Variants in MYO1D observed in about 807,000 individuals in gnomAD.
MYO1D encodes the protein myosin ID.
A neutral mutation model predicts 122.0 loss-of-function variants in MYO1D; 83 were observed. That is an observed-to-expected ratio of 0.68 (90% confidence interval 0.57 to 0.82). The LOEUF (loss-of-function observed/expected upper bound fraction) is 0.82, where lower values mean the gene tolerates loss of function less well. Ranked by LOEUF, MYO1D falls within the 40% of genes least tolerant of loss-of-function variation. MYO1D has a pLI of 0.00. For synonymous variants in MYO1D, 464 were observed against 446.9 expected (o/e 1.04, Z -0.48); for missense variants, 1,157 against 1,269.5 (o/e 0.91, Z 1.35).
intron 1 of MYO1D, among the ~76,000 whole-genome samples, chr17:32,861,091 C>T (rs1281309763): frequency 7.5e-6 from 1 of 132,514 alleles, no homozygotes; most frequent in Non-Finnish European, 1.6e-5. Flanking sequence ...TTTTTGGAAA[C>T]GGAGTCTCGC....
intron 1 of MYO1D, among the ~76,000 whole-genome samples, chr17:32,851,539 T>C (rs1044977537): frequency 2.0e-5 from 3 of 152,202 alleles, no homozygotes; most frequent in African/African-American, 7.2e-5. Flanking sequence ...CTCCCTACCA[T>C]TCTACCAAGG....
At chr17:32,806,727 T>C (rs1426831632) in intron 1 of MYO1D, among the ~76,000 whole-genome samples, 1 of 152,158 alleles carries the variant, frequency 6.6e-6, no homozygotes, top group South Asian at 2.1e-4. Flanking sequence ...ATCTTCCGAG[T>C]AAGGATTATG....
At chr17:32,825,457 A>G (rs761637531) in intron 1 of MYO1D, among the ~76,000 whole-genome samples, 22 of 151,936 alleles carry the variant, frequency 1.4e-4, no homozygotes, top group Non-Finnish European at 2.6e-4. Context: ...ACGCCTGGCT[A>G]ATTTTTGTAT....
intron 1 of MYO1D, among the ~76,000 whole-genome samples, chr17:32,847,305 T>C (rs1201431839): frequency 2.0e-5 from 3 of 152,190 alleles, no homozygotes; most frequent in African/African-American, 7.2e-5. Flanking sequence ...ACGAGTGATT[T>C]TGGAATCACA....
chr17:32,746,852 T>C (rs2089843197), intron 12 of MYO1D, among the ~76,000 whole-genome samples: 1 of 152,230 alleles, frequency 6.6e-6, no homozygotes, highest in Non-Finnish European at 1.5e-5. Context: ...GTAAATTTGC[T>C]ATGTGGCATT....
chr17:32,818,125 C>CAAAAAAAAAAAAAAAAAAAAAAAAAAAAA (rs58466009), intron 1 of MYO1D, among the ~76,000 whole-genome samples: 3 of 46,002 alleles, frequency 6.5e-5, no homozygotes, highest in Non-Finnish European at 9.5e-5. Flanking sequence ...GACTCCGTCT[C>CAAAAAAAAAAAAAAAAAAAAAAAAAAAAA]AAAAAAAAAA....
Position 32,653,844 on chromosome 17 carries a change from T to C in MYO1D, c.2594A>G (p.Lys865Arg). 6.2e-7 allele frequency: 1 copy of C among 1,612,568 alleles called. No individual in the cohort carries two copies. The highest frequency in any genetic ancestry group is 1.1e-5 in the South Asian group (1 of 90,998). ...MNVLFSCHVR[K>R]VNRFSKVEDR... ...TGATCTGGTTTAAGCTTGCCTTACC[T>C]TACGGACGTGACAGGAAAAGAGGAC... is the stretch of plus-strand genomic sequence containing the variant. Residue 865 changes from lysine (K) to arginine (R), a missense_variant and splice_region_variant, in exon 19 of 22, where the codon AAG (lysine) becomes AGG (arginine). Lys to Arg is a conservative substitution (Grantham distance 26). Coordinates refer to ENST00000318217, the MANE Select transcript of MYO1D (RefSeq NM_015194.3).
intron 1 of MYO1D, among the ~76,000 whole-genome samples, chr17:32,814,236 C>T (rs533735097): frequency 2.0e-5 from 3 of 152,048 alleles, no homozygotes; most frequent in African/African-American, 7.2e-5. Flanking sequence ...CCCAGCTACT[C>T]GGAAGGCTGA....
At chr17:32,828,257 C>T (rs534093268) in intron 1 of MYO1D, among the ~76,000 whole-genome samples, 2 of 152,264 alleles carry the variant, frequency 1.3e-5, no homozygotes, top group African/African-American at 4.8e-5. Flanking sequence ...TGGCTCACGC[C>T]TGTAATCCCA....
intron 20 of MYO1D, among the ~76,000 whole-genome samples, chr17:32,622,272 C>T (rs1454458133): frequency 1.3e-5 from 2 of 152,150 alleles, no homozygotes; most frequent in South Asian, 2.1e-4. Context: ...GAGTACAGGT[C>T]CTTGTAATTT....
intron 16 of MYO1D, among the ~76,000 whole-genome samples, chr17:32,709,592 GA>G (rs751177568): frequency 1.6e-4 from 24 of 151,858 alleles, no homozygotes; most frequent in Non-Finnish European, 2.6e-4. Context: ...TTAATAGAAG[GA>G]AAATGTTTTG....
chr17:32,600,068 A>G (rs2087544980), intron 21 of MYO1D, among the ~76,000 whole-genome samples: 1 of 152,264 alleles, frequency 6.6e-6, no homozygotes, highest in South Asian at 2.1e-4. Flanking sequence ...CAAGCCTTGT[A>G]CATTTCCGTC....
At chr17:32,665,657 C>T (rs2088626674) in intron 16 of MYO1D, among the ~76,000 whole-genome samples, 1 of 152,318 alleles carries the variant, frequency 6.6e-6, no homozygotes, top group Middle Eastern at 3.4e-3. Flanking sequence ...CACCTGTTAC[C>T]TCTAAATCCC....
chr17:32,759,807 GA>G (rs2089981644), intron 10 of MYO1D: 1 of 342,176 alleles, frequency 2.9e-6, no homozygotes, highest in Admixed American at 4.4e-5. Context: ...TAATACACAA[GA>G]AAATGCAAAG....
intron 21 of MYO1D, among the ~76,000 whole-genome samples, chr17:32,560,060 G>T (rs994339906): frequency 3.3e-5 from 5 of 152,104 alleles, no homozygotes; most frequent in East Asian, 1.9e-4. Context: ...TTCAAGACCA[G>T]CCTGACCAAC....
At chr17:32,646,724 A>G (rs2088300281) in intron 19 of MYO1D, among the ~76,000 whole-genome samples, 1 of 152,214 alleles carries the variant, frequency 6.6e-6, no homozygotes, top group African/African-American at 2.4e-5. Flanking sequence ...TTTATATGCA[A>G]AAAATGTAAT....
intron 21 of MYO1D, among the ~76,000 whole-genome samples, chr17:32,570,316 G>C (rs2087211537): frequency 6.6e-6 from 1 of 152,016 alleles, no homozygotes; most frequent in Non-Finnish European, 1.5e-5. Flanking sequence ...GTACAGGATA[G>C]TTTCCTCCTA....
intron 1 of MYO1D, among the ~76,000 whole-genome samples, chr17:32,855,486 T>C (rs146373856): frequency 1.3e-5 from 2 of 152,388 alleles, no homozygotes; most frequent in African/African-American, 4.8e-5. Context: ...GATTAATTCA[T>C]GCTGATGTAT....
At chr17:32,714,050 T>C (rs1019525747) in intron 15 of MYO1D, among the ~76,000 whole-genome samples, 12 of 148,070 alleles carry the variant, frequency 8.1e-5, no homozygotes, top group Admixed American at 5.4e-4. Context: ...TTTTCTTTCT[T>C]TTTTTTTTTT....
Sources: allele counts gnomAD v4.1 joint callset (sites outside exome capture counted in the v4.1 genomes callset), GRCh38; gene constraint gnomAD v4.1.1; transcripts MANE v1.5; gene names NCBI Gene and HGNC (gene_info 2026-07-23, HGNC 2026-07-21).